PTPRD: variants seen among roughly 807,000 people sequenced by gnomAD.
PTPRD encodes receptor-type tyrosine-protein phosphatase delta.
Under a neutral mutation model 214.5 loss-of-function variants are expected in PTPRD, and 34 were observed. The observed-to-expected ratio is 0.16, with a 90% CI of 0.12 to 0.21. The LOEUF is 0.21. PTPRD is among the 10% of genes least tolerant of loss of function. The pLI is 1.00. For synonymous variants in PTPRD, 1,128 were observed against 845.7 expected (o/e 1.33, Z -5.79); for missense variants, 2,545 against 2,398.7 (o/e 1.06, Z -1.27).
At chr9:8,408,204 G>T (rs545589303) in intron 35 of PTPRD, among the ~76,000 whole-genome samples, 28 of 152,132 alleles carry the variant, frequency 1.8e-4, no homozygotes, top group African/African-American at 6.7e-4. Context: ...CTGTATTTTC[G>T]GTCAGTCCAC....
At chr9:9,446,420 A>T (rs1234300485) in intron 8 of PTPRD, among the ~76,000 whole-genome samples, 1 of 152,170 alleles carries the variant, frequency 6.6e-6, no homozygotes, top group Non-Finnish European at 1.5e-5. Flanking sequence ...AAGAATGCTG[A>T]CTAAGCTCAG....
At chr9:10,540,569 GCTT>G (rs2058880531) in intron 2 of PTPRD, among the ~76,000 whole-genome samples, 1 of 152,090 alleles carries the variant, frequency 6.6e-6, no homozygotes, top group Non-Finnish European at 1.5e-5. Flanking sequence ...CATTTTGCTT[GCTT>G]CTTTTCATCC....
intron 3 of PTPRD, among the ~76,000 whole-genome samples, chr9:10,219,486 G>A (rs2057475): frequency 0.45 from 67,604 of 151,458 alleles, 17,953 homozygotes; most frequent in Non-Finnish European, 0.58. Flanking sequence ...TACGAGCAAA[G>A]GAATGTAATT....
At chr9:9,352,924 T>C (rs2052027368) in intron 9 of PTPRD, among the ~76,000 whole-genome samples, 3 of 152,016 alleles carry the variant, frequency 2.0e-5, no homozygotes, top group Non-Finnish European at 2.9e-5. Context: ...GCTAAATTTA[T>C]AATAACTCTA....
At chr9:10,481,202 A>G (rs989406178) in intron 2 of PTPRD, among the ~76,000 whole-genome samples, 1 of 152,208 alleles carries the variant, frequency 6.6e-6, no homozygotes, top group South Asian at 2.1e-4. Flanking sequence ...TTAAGGGCAT[A>G]GACGGTATAT....
At chr9:9,986,281 T>C (rs535934073) in intron 4 of PTPRD, among the ~76,000 whole-genome samples, 44 of 152,214 alleles carry the variant, frequency 2.9e-4, no homozygotes, top group Non-Finnish European at 5.9e-4. Context: ...TAGTAAAAGG[T>C]GTAAACATCA....
intron 9 of PTPRD, among the ~76,000 whole-genome samples, chr9:9,341,179 T>G (rs2046650749): frequency 6.6e-6 from 1 of 152,236 alleles, no homozygotes; most frequent in South Asian, 2.1e-4. Context: ...TGTGGCCACT[T>G]AATGCAAAAA....
intron 7 of PTPRD, among the ~76,000 whole-genome samples, chr9:9,672,810 A>G (rs139830071): frequency 2.4e-4 from 37 of 152,240 alleles, no homozygotes; most frequent in African/African-American, 8.9e-4. Context: ...TACGACCTAA[A>G]TCTGCATATT....
chr9:9,577,540 G>A (rs1241402789), intron 7 of PTPRD, among the ~76,000 whole-genome samples: 1 of 151,832 alleles, frequency 6.6e-6, no homozygotes, highest in Non-Finnish European at 1.5e-5. Flanking sequence ...TCCAGCCTGG[G>A]GGACAAAGTA....
chr9:10,580,884 A>G (rs1215897710), intron 2 of PTPRD, among the ~76,000 whole-genome samples: 3 of 152,154 alleles, frequency 2.0e-5, no homozygotes, highest in East Asian at 1.9e-4. Context: ...TTAATATATC[A>G]TAGACTTGCA....
chr9:10,368,737 T>C (rs1212088084), intron 2 of PTPRD, among the ~76,000 whole-genome samples: 1 of 152,106 alleles, frequency 6.6e-6, no homozygotes, highest in African/African-American at 2.4e-5. Flanking sequence ...CATATGATGA[T>C]GTTAATATTA....
At chr9:10,040,321 T>C (rs1282390777) in intron 3 of PTPRD, among the ~76,000 whole-genome samples, 1 of 152,024 alleles carries the variant, frequency 6.6e-6, no homozygotes, top group East Asian at 1.9e-4. Flanking sequence ...AATAAATGGA[T>C]AGCCATCCAG....
At chr9:8,681,657 G>T (rs997561091) in intron 12 of PTPRD, among the ~76,000 whole-genome samples, 1 of 152,174 alleles carries the variant, frequency 6.6e-6, no homozygotes, top group African/African-American at 2.4e-5. Context: ...CGCCAGCCCT[G>T]AACGATGTGC....
intron 7 of PTPRD, among the ~76,000 whole-genome samples, chr9:9,697,394 T>A (rs1197750490): frequency 6.6e-6 from 1 of 152,144 alleles, no homozygotes; most frequent in Non-Finnish European, 1.5e-5. Flanking sequence ...CCATCTTTTG[T>A]TTCTCTGGGA....
At chr9:9,144,315 T>C (rs184151315) in intron 10 of PTPRD, among the ~76,000 whole-genome samples, 1 of 152,212 alleles carries the variant, frequency 6.6e-6, no homozygotes, top group Non-Finnish European at 1.5e-5. Context: ...TACTGCAATT[T>C]GTCACTTTTT....
intron 8 of PTPRD, among the ~76,000 whole-genome samples, chr9:9,496,369 C>T (rs755386924): frequency 4.6e-5 from 7 of 151,940 alleles, no homozygotes; most frequent in Non-Finnish European, 1.0e-4. Flanking sequence ...ATAGAGAACT[C>T]CTAAAACTCA....
At chr9:8,527,489 A>T in intron 15 of PTPRD, 136 bp from the exon 16 acceptor site, 1 of 780,100 alleles carries the variant, frequency 1.3e-6, no homozygotes, top group Non-Finnish European at 2.1e-6. Flanking sequence ...TTAATTCTTC[A>T]TTTACAATAA....
chr9:9,661,155 A>C (rs188499265), intron 7 of PTPRD, among the ~76,000 whole-genome samples: 170 of 152,002 alleles, frequency 1.1e-3, no homozygotes, highest in African/African-American at 4.0e-3. Context: ...TATATTTCCA[A>C]TGAGAGGCTA....
intron 11 of PTPRD, among the ~76,000 whole-genome samples, chr9:8,832,718 C>T (rs953264842): frequency 1.3e-5 from 2 of 152,012 alleles, no homozygotes; most frequent in Non-Finnish European, 2.9e-5. Context: ...AATCTTTCAA[C>T]TGTAAAACTA....
Sources: allele counts gnomAD v4.1 joint callset (sites outside exome capture counted in the v4.1 genomes callset), GRCh38; gene constraint gnomAD v4.1.1; transcripts MANE v1.5; gene names NCBI Gene and HGNC (gene_info 2026-07-23, HGNC 2026-07-21).